Variants in ATG7 observed in about 807,000 individuals in gnomAD.
ATG7 encodes the protein ubiquitin-like modifier-activating enzyme ATG7.
A neutral mutation model predicts 82.4 loss-of-function variants in ATG7; 70 were observed. That is an observed-to-expected ratio of 0.85 (90% confidence interval 0.70 to 1.04). ATG7 has a LOEUF of 1.04. ATG7 is among the 50% of genes least tolerant of loss of function. ATG7 has a pLI of 0.00. For synonymous variants in ATG7, 287 were observed against 313.0 expected (o/e 0.92, Z 0.88); for missense variants, 792 against 864.3 (o/e 0.92, Z 1.05).
At chr3:11,333,625 GAT>G (rs59912682) in intron 11 of ATG7, among the ~76,000 whole-genome samples, 1,682 of 151,730 alleles carry the variant, frequency 0.011, 35 homozygotes, top group African/African-American at 0.038. Flanking sequence ...TCTATAGAGA[GAT>G]ATATGTGTGT....
At chr3:11,421,712 A>G (rs2081956765) in intron 19 of ATG7, among the ~76,000 whole-genome samples, 1 of 152,138 alleles carries the variant, frequency 6.6e-6, no homozygotes. Flanking sequence ...AAGGTTTTTA[A>G]TTTGCTTTGA....
At chr3:11,563,770 A>G in the ATG7 span, among the ~76,000 whole-genome samples, 2 of 152,220 alleles carry the variant, frequency 1.3e-5, no homozygotes, top group Non-Finnish European at 2.9e-5. Flanking sequence ...CCATTTTGTT[A>G]AATGGATGAA....
At position 11,380,166 on chromosome 3, in the gene ATG7, G is replaced by T. The variant is rs1013321956; in HGVS notation, c.1956+114G>T. ...CAACTAAGGGCTTTTTGTGGGGGAA[G>T]GGTGGGGTCTAAACCCTCAGAAAGG... On this transcript the variant is annotated intron_variant, in intron 19 of 20. Transcript: ENST00000693202. The T allele has an allele frequency of 1.4e-5, 13 of 945,478 alleles. 1 individual carries two copies. In the Admixed American group the frequency reaches 2.5e-4, roughly 18 times the overall value. The allele number at this position is 945,478 out of a possible 1,614,324, so 58.6% of individuals were successfully genotyped here.
intron 20 of ATG7, among the ~76,000 whole-genome samples, chr3:11,478,279 A>G (rs1042908022): frequency 6.6e-6 from 1 of 152,178 alleles, no homozygotes; most frequent in Non-Finnish European, 1.5e-5. Flanking sequence ...ATGAATCTCT[A>G]TCTCTCTTTT....
intron 1 of ATG7, among the ~76,000 whole-genome samples, chr3:11,276,973 A>G (rs896056649): frequency 6.6e-6 from 1 of 151,648 alleles, no homozygotes; most frequent in Non-Finnish European, 1.5e-5. Context: ...AATCTTGCCA[A>G]TTCCTCTCCT....
At chr3:11,458,530 C>T (rs1033616467) in intron 20 of ATG7, among the ~76,000 whole-genome samples, 1 of 152,094 alleles carries the variant, frequency 6.6e-6, no homozygotes, top group African/African-American at 2.4e-5. Flanking sequence ...CCCAAAGTGC[C>T]GGGATTACAG....
the ATG7 span, among the ~76,000 whole-genome samples, chr3:11,567,457 A>G: frequency 6.6e-6 from 1 of 152,240 alleles, no homozygotes; most frequent in African/African-American, 2.4e-5. Flanking sequence ...TGTTCAGCCC[A>G]TTAAGACAAT....
chr3:11,289,840 A>G (rs1164611747), intron 3 of ATG7, among the ~76,000 whole-genome samples: 1 of 152,110 alleles, frequency 6.6e-6, no homozygotes, highest in Non-Finnish European at 1.5e-5. Context: ...GATTATGGGC[A>G]TGGACCACTG....
At chr3:11,418,734 C>G (rs1281408426) in intron 19 of ATG7, among the ~76,000 whole-genome samples, 3 of 152,132 alleles carry the variant, frequency 2.0e-5, no homozygotes, top group Non-Finnish European at 4.4e-5. Context: ...TGTTTTCACA[C>G]TACTATCAAG....
intron 20 of ATG7, among the ~76,000 whole-genome samples, chr3:11,545,905 C>T (rs1018295527): frequency 1.4e-4 from 21 of 151,984 alleles, no homozygotes; most frequent in African/African-American, 4.8e-4. Flanking sequence ...TTTGGGAGGC[C>T]AAGCCAGAGG....
rs150881583 is a variant in ATG7, at chr3:11,290,192, G to A, written c.-11+7754G>A. 2.2e-4 allele frequency among the ~76,000 whole-genome samples: 34 copies of A among 152,320 alleles called. No homozygotes were observed. The East Asian group carries it at 6.6e-3, about 29-fold the overall frequency. On this transcript the variant is annotated intron_variant, in intron 3 of 20. Transcript: ENST00000693202. ...TCTCTCATGAACAAGTAGGTCATAA[G>A]CAAATTATGTCTGCACAACTCCTAG... is the stretch of plus-strand genomic sequence containing the variant.
chr3:11,441,646 C>T (rs530653130), intron 20 of ATG7, among the ~76,000 whole-genome samples: 158 of 146,780 alleles, frequency 1.1e-3, no homozygotes, highest in Admixed American at 3.3e-3. Flanking sequence ...TTCTTCCTTC[C>T]CCTTTCTCCT....
intron 20 of ATG7, among the ~76,000 whole-genome samples, chr3:11,498,424 T>C (rs1348484131): frequency 6.6e-6 from 1 of 152,210 alleles, no homozygotes; most frequent in Non-Finnish European, 1.5e-5. Flanking sequence ...GCTGTGTTGG[T>C]GAATGGCTTT....
At chr3:11,507,511 A>G (rs1416018305) in intron 20 of ATG7, among the ~76,000 whole-genome samples, 2 of 152,256 alleles carry the variant, frequency 1.3e-5, no homozygotes, top group Non-Finnish European at 2.9e-5. Flanking sequence ...AAGACAATCC[A>G]TAAGTATAAT....
intron 20 of ATG7, among the ~76,000 whole-genome samples, chr3:11,489,398 C>G (rs1367893153): frequency 6.6e-6 from 1 of 151,990 alleles, no homozygotes; most frequent in African/African-American, 2.4e-5. Flanking sequence ...TGCTAGTGGT[C>G]TATCAATTTT....
At chr3:11,478,991 C>CACACACAA (rs1553688591) in intron 20 of ATG7, among the ~76,000 whole-genome samples, 13,891 of 87,398 alleles carry the variant, frequency 0.16, 913 homozygotes, top group South Asian at 0.28. Context: ...ATATTTACAA[C>CACACACAA]ACACACACAC....
intron 7 of ATG7, among the ~76,000 whole-genome samples, chr3:11,310,314 A>T (rs1357075261): frequency 6.6e-6 from 1 of 152,110 alleles, no homozygotes; most frequent in Non-Finnish European, 1.5e-5. Context: ...GTGCTGTTTC[A>T]CCACAGCATC....
At position 11,315,295 on chromosome 3, in the gene ATG7, A is replaced by G; in HGVS notation, c.529-49A>G. The G allele has an allele frequency of 3.4e-6, 5 of 1,455,266 alleles. No homozygotes were observed. The South Asian group carries it at 4.4e-5, about 13-fold the overall frequency. 90.1% of individuals were successfully genotyped at this position (1,455,266 alleles called of 1,614,324 possible). On this transcript the variant is annotated intron_variant, in intron 8 of 20. Transcript: ENST00000693202. Reference sequence around the variant, plus strand: ...TTTTTGAGTTAGTTTTTAGCCCAGAACTAGAAATGTAATTTTCTAGAGAAT... The same window carrying G: ...TTTTTGAGTTAGTTTTTAGCCCAGAGCTAGAAATGTAATTTTCTAGAGAAT...
At chr3:11,316,186 A>G (rs187206611) in intron 9 of ATG7, among the ~76,000 whole-genome samples, 1 of 152,156 alleles carries the variant, frequency 6.6e-6, no homozygotes, top group Non-Finnish European at 1.5e-5. Context: ...ACACTACTGT[A>G]GAAGAATCTC....
Sources: gnomAD v4.1 joint callset for allele counts (sites outside exome capture counted in the v4.1 genomes callset) on GRCh38, gnomAD v4.1.1 for gene constraint, MANE v1.5 for transcripts, NCBI Gene and HGNC (gene_info 2026-07-23, HGNC 2026-07-21) for gene names.